ZNF704: variants seen among roughly 807,000 people sequenced by gnomAD.
ZNF704 encodes the protein glucocorticoid induced gene 1.
In ZNF704, 10 loss-of-function variants were observed where a neutral mutation model predicts 44.7. That is an observed-to-expected ratio of 0.22 (90% CI 0.14 to 0.38). ZNF704 has a LOEUF of 0.38. Among genes scored for constraint, ZNF704 ranks in the 10% least tolerant of loss-of-function variants. The probability of loss-of-function intolerance (pLI) is 1.00; values close to 1 mark genes in which losing one functional copy is unlikely to be tolerated. For synonymous variants in ZNF704, 211 were observed against 207.6 expected, an observed-to-expected ratio of 1.02 and a Z score of -0.14; for missense variants, 390 against 545.5, an observed-to-expected ratio of 0.71 and a Z score of 2.84.
chr8:80,773,117 A>G (rs1332876012), intron 2 of ZNF704, among the ~76,000 whole-genome samples: 2 of 152,206 alleles, frequency 1.3e-5, no homozygotes, highest in Non-Finnish European at 2.9e-5. Context: ...AACATACTGT[A>G]TATGATTTTA....
intron 2 of ZNF704, among the ~76,000 whole-genome samples, chr8:80,728,614 T>C (rs1806524442): frequency 6.6e-6 from 1 of 152,138 alleles, no homozygotes; most frequent in Non-Finnish European, 1.5e-5. Context: ...TTATCCCTAA[T>C]TTATAGGTGA....
chr8:80,639,255 C>T lies in ZNF704; in HGVS notation c.*2111G>A, dbSNP rs1490402335. On this transcript the variant is annotated 3_prime_UTR_variant, in exon 9 of 9. Transcript: ENST00000327835. The stretch of plus-strand genomic sequence containing the variant: ...ATGGTGAACTTGTTTAAACAGGTGA[C>T]AAGCTCTGGCCGCCCAAGGCCACTG... 6.6e-6 allele frequency: 1 copy of T among 152,286 alleles called. No individual in the cohort carries two copies. The highest frequency in any genetic ancestry group is 1.9e-4 in the East Asian group (1 of 5,196). 9.4% of individuals were successfully genotyped at this position (152,286 alleles called of 1,614,324 possible).
At chr8:80,734,716 G>A (rs929501357) in intron 2 of ZNF704, among the ~76,000 whole-genome samples, 2 of 152,178 alleles carry the variant, frequency 1.3e-5, no homozygotes, top group Non-Finnish European at 2.9e-5. Context: ...TTCCACTTGA[G>A]CTATAAGATT....
chr8:80,685,694 G>T (rs1818523422), intron 4 of ZNF704, among the ~76,000 whole-genome samples: 1 of 152,208 alleles, frequency 6.6e-6, no homozygotes, highest in African/African-American at 2.4e-5. Flanking sequence ...GGGAAGGTCA[G>T]GGGACTACAG....
At chr8:80,700,313 G>A (rs73273011) in intron 2 of ZNF704, among the ~76,000 whole-genome samples, 11,026 of 152,198 alleles carry the variant, frequency 0.072, 1,359 homozygotes, top group African/African-American at 0.25. Flanking sequence ...GAGAAAAGAC[G>A]TTGCAGTCTG....
rs1817582269 is a variant in ZNF704 at position 80,631,400 on chromosome 8, CATAAATACGAA to C, written c.*9955_*9965del. The C allele has an allele frequency of 6.6e-6, 1 of 152,176 alleles. No individual in the cohort carries two copies. The highest frequency in any genetic ancestry group is 1.5e-5 in the Non-Finnish European group (1 of 68,038). The allele number at this position is 152,176 out of a possible 1,614,324, so 9.4% of individuals were successfully genotyped here. A position where few individuals can be genotyped will look rare whatever the true frequency, so the allele number is the denominator to read the frequency against. ...GTGGACTGAAGTCCTTTTCTCTTTC[CATAAATACGAA>C]ATTATAACAATTATATGCTGCAGGA... On this transcript the variant is annotated 3_prime_UTR_variant, in exon 9 of 9. Coordinates refer to ENST00000327835, the MANE Select transcript of ZNF704 (RefSeq NM_001033723.3).
At chr8:80,769,626 C>T (rs1188602868) in intron 2 of ZNF704, among the ~76,000 whole-genome samples, 1 of 152,188 alleles carries the variant, frequency 6.6e-6, no homozygotes, top group African/African-American at 2.4e-5. Context: ...CAACAAGTTC[C>T]TCATCTCCAT....
chr8:80,697,130 C>G (rs1469420964), intron 2 of ZNF704, among the ~76,000 whole-genome samples: 2 of 152,114 alleles, frequency 1.3e-5, no homozygotes, highest in Non-Finnish European at 2.9e-5. Context: ...CCGGTGAGCC[C>G]TGGGCTTACT....
chr8:80,766,624 CTAAT>C (rs1490981479), intron 2 of ZNF704, among the ~76,000 whole-genome samples: 1 of 152,140 alleles, frequency 6.6e-6, no homozygotes, highest in Non-Finnish European at 1.5e-5. Context: ...TTTTCTATTA[CTAAT>C]TAATTACTAC....
chr8:80,802,660 C>G (rs1807921626), intron 2 of ZNF704, among the ~76,000 whole-genome samples: 1 of 152,108 alleles, frequency 6.6e-6, no homozygotes, highest in African/African-American at 2.4e-5. Context: ...TAAAAACTCT[C>G]AATAAACTAG....
At chr8:80,751,932 T>C (rs1806951330) in intron 2 of ZNF704, among the ~76,000 whole-genome samples, 1 of 152,020 alleles carries the variant, frequency 6.6e-6, no homozygotes, top group African/African-American at 2.4e-5. Flanking sequence ...TTAGTAGAAA[T>C]GGGGTTTCAC....
At chr8:80,841,624 AC>A (rs1808681372) in intron 1 of ZNF704, among the ~76,000 whole-genome samples, 1 of 152,210 alleles carries the variant, frequency 6.6e-6, no homozygotes, top group Non-Finnish European at 1.5e-5. Context: ...CTGCTAATAG[AC>A]TTGTTCTTAG....
At chr8:80,809,745 A>G (rs1235942438) in intron 2 of ZNF704, among the ~76,000 whole-genome samples, 1 of 152,210 alleles carries the variant, frequency 6.6e-6, no homozygotes, top group African/African-American at 2.4e-5. Flanking sequence ...ACCATTCTTT[A>G]CAAATATATT....
At chr8:80,825,177 C>T (rs1808349970) in intron 1 of ZNF704, among the ~76,000 whole-genome samples, 2 of 152,030 alleles carry the variant, frequency 1.3e-5, no homozygotes, top group Non-Finnish European at 2.9e-5. Context: ...ATTCAGGAGA[C>T]CCATCTCACG....
intron 2 of ZNF704, among the ~76,000 whole-genome samples, chr8:80,737,191 A>G (rs555583685): frequency 6.6e-6 from 1 of 152,372 alleles, no homozygotes; most frequent in South Asian, 2.1e-4. Context: ...GTGGCTTAAA[A>G]CAACAAACAT....
intron 2 of ZNF704, among the ~76,000 whole-genome samples, chr8:80,807,271 C>T (rs984684069): frequency 1.3e-5 from 2 of 152,114 alleles, no homozygotes; most frequent in African/African-American, 4.8e-5. Context: ...AGGAGATAAA[C>T]CTGCCTCTGG....
intron 2 of ZNF704, among the ~76,000 whole-genome samples, chr8:80,717,349 T>C (rs918133835): frequency 3.9e-5 from 6 of 152,242 alleles, no homozygotes; most frequent in African/African-American, 1.4e-4. Flanking sequence ...GCACTGAGGA[T>C]GCAGCGAGCT....
intron 5 of ZNF704, among the ~76,000 whole-genome samples, chr8:80,669,959 C>T (rs1170767096): frequency 2.0e-5 from 3 of 152,160 alleles, no homozygotes; most frequent in African/African-American, 4.8e-5. Flanking sequence ...AAAGTGATTT[C>T]GTAAGAACAG....
chr8:80,803,136 A>C (rs1268785957), intron 2 of ZNF704, among the ~76,000 whole-genome samples: 3 of 152,182 alleles, frequency 2.0e-5, no homozygotes, highest in African/African-American at 7.2e-5. Context: ...CTAACAAGGG[A>C]AGTGAGAACT....
Sources: gnomAD v4.1 joint callset for allele counts (sites outside exome capture counted in the v4.1 genomes callset) on GRCh38, gnomAD v4.1.1 for gene constraint, MANE v1.5 for transcripts, NCBI Gene and HGNC (gene_info 2026-07-23, HGNC 2026-07-21) for gene names.